Variants in RSPRY1 observed in about 807,000 individuals in gnomAD.
The protein encoded by RSPRY1 is RING finger and SPRY domain-containing protein 1.
In RSPRY1, 23 loss-of-function variants were observed where a neutral mutation model predicts 73.1. That is an observed-to-expected ratio of 0.31 (90% CI 0.23 to 0.45). RSPRY1 has a LOEUF of 0.45. Among genes scored for constraint, RSPRY1 ranks in the 20% least tolerant of loss-of-function variants. The pLI is 1.00. For synonymous variants in RSPRY1, 226 were observed against 251.4 expected, an observed-to-expected ratio of 0.90 and a Z score of 0.95; for missense variants, 448 against 698.7, an observed-to-expected ratio of 0.64 and a Z score of 4.05.
At chr16:57,237,940 T>C (rs2075325070) in intron 14 of RSPRY1, among the ~76,000 whole-genome samples, 1 of 152,150 alleles carries the variant, frequency 6.6e-6, no homozygotes, top group Non-Finnish European at 1.5e-5. Flanking sequence ...TGGTGACACA[T>C]AGGAAGCATT....
chr16:57,213,303 A>T (rs1175000136), intron 5 of RSPRY1, among the ~76,000 whole-genome samples: 1 of 152,238 alleles, frequency 6.6e-6, no homozygotes, highest in Non-Finnish European at 1.5e-5. Context: ...TTTTCAGGGG[A>T]AATTTTAAAA....
Position 57,235,128 on chromosome 16 carries a change from A to C in RSPRY1, c.1534A>C (p.Arg512=), listed in dbSNP as rs747534450. ...CAAATTGCTTTTTCTACTCAGGCAC[A>C]GGCGTCTTGCTCTGTTGAAGCAAGT... ...AEEKIILPRH[R]RLALLKQVSI... The change falls in exon 14 of 15, where the codon AGG becomes CGG. Residue 512 remains arginine, a synonymous_variant. Transcript: ENST00000394420. 7 of 1,613,522 alleles carry C rather than the reference A, an allele frequency of 4.3e-6. No homozygotes were observed. The highest frequency in any genetic ancestry group is 5.9e-6 in the Non-Finnish European group (7 of 1,179,542).
intron 4 of RSPRY1, among the ~76,000 whole-genome samples, chr16:57,212,606 C>T (rs1023020754): frequency 1.3e-5 from 2 of 151,964 alleles, no homozygotes; most frequent in South Asian, 4.1e-4. Flanking sequence ...TTATTTAACA[C>T]CTGGTTATAG....
chr16:57,203,686 C>T (rs1597875312), intron 1 of RSPRY1, among the ~76,000 whole-genome samples: 5 of 152,290 alleles, frequency 3.3e-5, no homozygotes, highest in Admixed American at 6.5e-5. Flanking sequence ...TCCTGGAGGG[C>T]AGGAACTATT....
chr16:57,230,010 T>C (rs1164646291), intron 11 of RSPRY1, among the ~76,000 whole-genome samples: 11 of 137,502 alleles, frequency 8.0e-5, no homozygotes, highest in Admixed American at 2.9e-4. Context: ...CTGCCCTTTT[T>C]TTTTTTTTTT....
chr16:57,207,461 G>C lies in RSPRY1; in HGVS notation c.351-597G>C, dbSNP rs80252652. On this transcript the variant is annotated intron_variant, in intron 2 of 14. Transcript: ENST00000394420. Reference sequence around the variant, plus strand: ...TGAAGGACTTTTTAAAGATTTCTGGGATCACACCACTGAATTAAGGTGTAT... The same window carrying C: ...TGAAGGACTTTTTAAAGATTTCTGGCATCACACCACTGAATTAAGGTGTAT... 715 of 355,172 alleles carry C rather than the reference G, an allele frequency of 2.0e-3. 4 individuals are homozygous for C. Among genetic ancestry groups the C allele is most frequent in the African/African-American group, 0.012 (551 of 47,062 alleles). The allele number at this position is 355,172 out of a possible 1,614,324, so 22.0% of individuals were successfully genotyped here.
In RSPRY1 at chr16:57,221,423, C is replaced by T. The variant is rs112058430; in HGVS notation, c.1161+8C>T. Reference sequence around the variant, plus strand: ...AGCAAATTCCTCAATCATGTGAGTACCCTAGAGAACTGTGAAAATGGGAGC... The same window carrying T: ...AGCAAATTCCTCAATCATGTGAGTATCCTAGAGAACTGTGAAAATGGGAGC... On this transcript the variant is annotated splice_region_variant and intron_variant, in intron 10 of 14. Transcript: ENST00000394420. The T allele has an allele frequency of 1.1e-5, 18 of 1,599,242 alleles. No individual in the cohort carries two copies. The highest frequency in any genetic ancestry group is 1.8e-5 in the Admixed American group (1 of 56,632).
At chr16:57,197,918 G>T (rs1207363928) in intron 1 of RSPRY1, among the ~76,000 whole-genome samples, 1 of 148,264 alleles carries the variant, frequency 6.7e-6, no homozygotes, top group Admixed American at 6.7e-5. Flanking sequence ...TAGAAATGGG[G>T]TCTTGCTACA....
chr16:57,231,149 T>C lies in RSPRY1; in HGVS notation c.1377-18T>C. ...TTTTTATTAATTCTATTGGCCTCTG[T>C]ACTCATTTTATTTGTAGATCTGGAT... On this transcript the variant is annotated intron_variant, in intron 12 of 14. Transcript: ENST00000394420. 1.2e-5 allele frequency: 20 copies of C among 1,610,278 alleles called. No individual in the cohort carries two copies. The highest frequency in any genetic ancestry group is 1.7e-5 in the Non-Finnish European group (20 of 1,177,726).
intron 1 of RSPRY1, among the ~76,000 whole-genome samples, chr16:57,196,020 C>CAAAAA (rs1185993362): frequency 1.6e-5 from 2 of 127,254 alleles, no homozygotes; most frequent in African/African-American, 6.2e-5. Context: ...GACTTCATCT[C>CAAAAA]AAAAAAAAAA....
At chr16:57,227,128 C>T (rs1164341015) in intron 10 of RSPRY1, among the ~76,000 whole-genome samples, 2 of 152,178 alleles carry the variant, frequency 1.3e-5, no homozygotes, top group African/African-American at 4.8e-5. Flanking sequence ...AAAGGAGGCA[C>T]TGGGAAAATA....
At chr16:57,215,197 C>T (rs1373127102) in intron 6 of RSPRY1, among the ~76,000 whole-genome samples, 1 of 152,122 alleles carries the variant, frequency 6.6e-6, no homozygotes, top group Non-Finnish European at 1.5e-5. Flanking sequence ...GCTAAGGGAA[C>T]ATCACAGGCA....
In RSPRY1 at chr16:57,227,510, G is replaced by C; in HGVS notation, c.1273+57G>C. 4 of 1,227,470 alleles carry C rather than the reference G, an allele frequency of 3.3e-6. No individual in the cohort carries two copies. The South Asian group carries it at 4.9e-5, about 15-fold the overall frequency. 76.0% of individuals were successfully genotyped at this position (1,227,470 alleles called of 1,614,324 possible). ...GTGGGTTAAGACATCTGGTTATTAT[G>C]AGGCATTTATTACATTAAGCCTTAA... On this transcript the variant is annotated intron_variant, in intron 11 of 14. Coordinates refer to ENST00000394420, the MANE Select transcript of RSPRY1 (RefSeq NM_133368.3).
intron 1 of RSPRY1, among the ~76,000 whole-genome samples, chr16:57,193,491 C>CT (rs111290864): frequency 4.5e-4 from 64 of 142,284 alleles, no homozygotes; most frequent in East Asian, 8.2e-4. Flanking sequence ...GTTCTGCAGG[C>CT]TTTTTTTTTT....
intron 1 of RSPRY1, among the ~76,000 whole-genome samples, chr16:57,200,275 A>T (rs2074545200): frequency 6.6e-6 from 1 of 150,452 alleles, no homozygotes; most frequent in African/African-American, 2.4e-5. Flanking sequence ...CTTAGTACAG[A>T]ACAAAATGAA....
chr16:57,218,911 T>G lies in RSPRY1; in HGVS notation c.902-1821T>G, dbSNP rs2074988806. Among the ~76,000 whole-genome samples, 2 of 141,308 alleles carry G rather than the reference T, an allele frequency of 1.4e-5. 1 individual carries two copies. Among genetic ancestry groups the G allele is most frequent in the Non-Finnish European group, 3.0e-5 (2 of 65,918 alleles). 92.7% of individuals were successfully genotyped at this position (141,308 alleles called of 152,430 possible). On this transcript the variant is annotated intron_variant, in intron 8 of 14. Coordinates refer to ENST00000394420, the MANE Select transcript of RSPRY1 (RefSeq NM_133368.3). ...CCACTACGCCCGGCTAATTTTTTTG[T>G]ATTTTTAGTAGAGACGGGGTTTCAC...
chr16:57,206,773 C>T (rs1243254800), intron 2 of RSPRY1, among the ~76,000 whole-genome samples: 3 of 152,138 alleles, frequency 2.0e-5, no homozygotes, highest in Non-Finnish European at 4.4e-5. Flanking sequence ...CCATGTTGCC[C>T]AGGCTGGTCT....
At chr16:57,226,405 A>G (rs1212839268) in intron 10 of RSPRY1, among the ~76,000 whole-genome samples, 1 of 152,240 alleles carries the variant, frequency 6.6e-6, no homozygotes, top group Non-Finnish European at 1.5e-5. Context: ...TAGGCAGAGC[A>G]GTGGCGTGGG....
intron 1 of RSPRY1, among the ~76,000 whole-genome samples, chr16:57,196,140 AGCAGC>A (rs2074443221): frequency 6.6e-6 from 1 of 151,556 alleles, no homozygotes; most frequent in South Asian, 2.1e-4. Context: ...GATATCCTTA[AGCAGC>A]GTATCATTTA....
Sources: allele counts gnomAD v4.1 joint callset (sites outside exome capture counted in the v4.1 genomes callset), GRCh38; gene constraint gnomAD v4.1.1; transcripts MANE v1.5; gene names NCBI Gene and HGNC (gene_info 2026-07-23, HGNC 2026-07-21).